Variants in VTA1 observed in about 807,000 individuals in gnomAD.
VTA1 encodes the protein vesicle trafficking 1, also known as vacuolar protein sorting-associated protein VTA1 homolog.
In VTA1, 24 loss-of-function variants were observed where a neutral mutation model predicts 36.9. That is an observed-to-expected ratio of 0.65 (90% confidence interval 0.47 to 0.91). The LOEUF (loss-of-function observed/expected upper bound fraction) is 0.91, where lower values mean the gene tolerates loss of function less well. Among genes scored for constraint, VTA1 ranks in the 40% least tolerant of loss-of-function variants. The pLI is 0.00. For synonymous variants in VTA1, 142 were observed against 130.2 expected (o/e 1.09, Z -0.62); for missense variants, 393 against 377.2 (o/e 1.04, Z -0.35).
intron 4 of VTA1, among the ~76,000 whole-genome samples, chr6:142,183,009 C>G (rs1323127716): frequency 6.6e-6 from 1 of 151,876 alleles, no homozygotes; most frequent in East Asian, 1.9e-4. Flanking sequence ...GAAGGAAAAC[C>G]CGGAGGTCTT....
In VTA1 at chr6:142,223,127, A is replaced by G. The variant is rs1455813456; in HGVS notation, c.*4484A>G. On this transcript the variant is annotated 3_prime_UTR_variant, in exon 8 of 8. Transcript: ENST00000367630. The stretch of plus-strand genomic sequence containing the variant: ...TTATTAGTGAGGTGTTAGCACCTAA[A>G]TTTTTCTATTATCTGGGCCATATGT... 1 of 152,152 alleles carries G rather than the reference A, an allele frequency of 6.6e-6. No individual in the cohort carries two copies. The highest frequency in any genetic ancestry group is 2.4e-5 in the African/African-American group (1 of 41,438). The allele number at this position is 152,152 out of a possible 1,614,324, so 9.4% of individuals were successfully genotyped here.
intron 5 of VTA1, among the ~76,000 whole-genome samples, chr6:142,192,550 A>G (rs73574224): frequency 6.6e-4 from 100 of 152,244 alleles, no homozygotes; most frequent in African/African-American, 2.1e-3. Flanking sequence ...CCAGAATGAT[A>G]TAAAGAATTC....
chr6:142,218,521 G>A lies in VTA1; in HGVS notation c.802G>A (p.Asp268Asn). The change falls in exon 8 of 8, where the codon GAC becomes AAC. Residue 268 changes from aspartate to asparagine, a missense_variant. Physicochemically the swap from Asp to Asn is conservative, Grantham distance 23 (BLOSUM62 1). Transcript: ENST00000367630. ...SQGDVRLTPE[D>N]FARAQKYCKY... ...AGGGGATGTTCGTCTAACCCCAGAA[G>A]ACTTTGCTAGAGCTCAGAAGTACTG... 1 of 1,613,434 alleles carries A rather than the reference G, an allele frequency of 6.2e-7. No individual in the cohort carries two copies. The highest frequency in any genetic ancestry group is 1.7e-5 in the Admixed American group (1 of 59,968).
chr6:142,223,603 C>A lies in VTA1; in HGVS notation c.*4960C>A, dbSNP rs1776152117. 6.6e-6 allele frequency: 1 copy of A among 152,154 alleles called. No homozygotes were observed. Among genetic ancestry groups the A allele is most frequent in the African/African-American group, 2.4e-5 (1 of 41,524 alleles). The allele number at this position is 152,154 out of a possible 1,614,324, so 9.4% of individuals were successfully genotyped here. On this transcript the variant is annotated 3_prime_UTR_variant, in exon 8 of 8. Coordinates refer to ENST00000367630, the MANE Select transcript of VTA1 (RefSeq NM_016485.5). ...AAAGACATAATTGCATAGCAGTATT[C>A]CATGAATATAACTTAATGGGGAACT...
intron 6 of VTA1, among the ~76,000 whole-genome samples, chr6:142,202,111 A>C (rs3811083): frequency 0.23 from 34,242 of 151,828 alleles, 4,629 homozygotes; most frequent in East Asian, 0.68. Flanking sequence ...AAAGCACTAG[A>C]CATGACTAGT....
chr6:142,218,062 A>G (rs1452216010), intron 7 of VTA1, among the ~76,000 whole-genome samples: 1 of 152,160 alleles, frequency 6.6e-6, no homozygotes, highest in East Asian at 1.9e-4. Context: ...CATGCTTAAA[A>G]CAAGCTAAGC....
At chr6:142,210,438 C>A (rs1156302276) in intron 7 of VTA1, among the ~76,000 whole-genome samples, 1 of 152,056 alleles carries the variant, frequency 6.6e-6, no homozygotes, top group African/African-American at 2.4e-5. Flanking sequence ...GGGATTAGAT[C>A]CAGCTAAAAT....
intron 6 of VTA1, among the ~76,000 whole-genome samples, chr6:142,200,753 C>G (rs1366623237): frequency 6.6e-6 from 1 of 151,854 alleles, no homozygotes; most frequent in African/African-American, 2.4e-5. Context: ...CTAGTTAACT[C>G]TAGCATGAGC....
chr6:142,181,100 T>A (rs1203735445), intron 4 of VTA1, among the ~76,000 whole-genome samples: 13 of 98,150 alleles, frequency 1.3e-4, no homozygotes, highest in South Asian at 3.3e-4. Flanking sequence ...AAAAAATATA[T>A]ATATATATAT....
chr6:142,199,690 T>G (rs1046382358), intron 6 of VTA1, among the ~76,000 whole-genome samples: 6 of 152,136 alleles, frequency 3.9e-5, no homozygotes, highest in African/African-American at 1.2e-4. Flanking sequence ...ACTTACAAGT[T>G]TATATTATCT....
intron 4 of VTA1, among the ~76,000 whole-genome samples, chr6:142,185,922 G>T (rs193069364): frequency 6.9e-4 from 105 of 152,274 alleles, no homozygotes; most frequent in African/African-American, 2.3e-3. Context: ...CAAGTGCTTG[G>T]TATAAACAAC....
chr6:142,182,326 G>A (rs773122376), intron 4 of VTA1, among the ~76,000 whole-genome samples: 1 of 152,188 alleles, frequency 6.6e-6, no homozygotes, highest in Non-Finnish European at 1.5e-5. Flanking sequence ...GGAGTGATAG[G>A]ATAGGAGATG....
chr6:142,183,745 T>C (rs1775289704), intron 4 of VTA1, among the ~76,000 whole-genome samples: 1 of 152,158 alleles, frequency 6.6e-6, no homozygotes, highest in African/African-American at 2.4e-5. Flanking sequence ...GAAAACAACA[T>C]TGAAAAGTGA....
intron 1 of VTA1, among the ~76,000 whole-genome samples, chr6:142,147,911 C>T (rs1778486042): frequency 6.6e-6 from 1 of 152,254 alleles, no homozygotes; most frequent in South Asian, 2.1e-4. Flanking sequence ...TGAATTTGAC[C>T]TTTCCCCACC....
Position 142,218,786 on chromosome 6 carries a change from T to C in VTA1, c.*143T>C. ...ATGAAATCTGTGTGTATCAGATTTT[T>C]ATTGAAGCATTCATCAGCAGCCTCA... On this transcript the variant is annotated 3_prime_UTR_variant, in exon 8 of 8. Transcript: ENST00000367630. 1.0e-6 allele frequency: 1 copy of C among 965,538 alleles called. No homozygotes were observed. Among genetic ancestry groups the C allele is most frequent in the Non-Finnish European group, 1.4e-6 (1 of 693,690 alleles). 59.8% of individuals were successfully genotyped at this position (965,538 alleles called of 1,614,324 possible). A position where few individuals can be genotyped will look rare whatever the true frequency, so the allele number is the denominator to read the frequency against.
intron 4 of VTA1, among the ~76,000 whole-genome samples, chr6:142,185,623 G>A (rs1775324578): frequency 1.3e-5 from 2 of 152,164 alleles, no homozygotes; most frequent in Non-Finnish European, 2.9e-5. Context: ...ATCTGGAAAA[G>A]TCAGTGCTTT....
chr6:142,173,031 A>G (rs941020596), intron 4 of VTA1, among the ~76,000 whole-genome samples: 1 of 152,178 alleles, frequency 6.6e-6, no homozygotes, highest in Non-Finnish European at 1.5e-5. Context: ...AGAGGTGGAA[A>G]ACTGTACATG....
chr6:142,218,341 T>A (rs1182879277), intron 7 of VTA1, among the ~76,000 whole-genome samples, 157 bp from the exon 8 acceptor site: 3 of 152,228 alleles, frequency 2.0e-5, no homozygotes, highest in Admixed American at 2.0e-4. Flanking sequence ...TTGAAAAGAA[T>A]GAAGAAAATG....
At chr6:142,166,206 A>T in intron 1 of VTA1, 22 bp from the exon 2 acceptor site, 1 of 1,539,222 alleles carries the variant, frequency 6.5e-7, no homozygotes, top group South Asian at 1.2e-5. Context: ...AATTGTTCAA[A>T]TTATCTTACT....
Sources: gnomAD v4.1 joint callset for allele counts (sites outside exome capture counted in the v4.1 genomes callset) on GRCh38, gnomAD v4.1.1 for gene constraint, MANE v1.5 for transcripts, NCBI Gene and HGNC (gene_info 2026-07-23, HGNC 2026-07-21) for gene names.